TBC1D19: variants seen among roughly 807,000 people sequenced by gnomAD.
TBC1D19 encodes the protein TBC1 domain family, member 19.
A neutral mutation model predicts 89.0 loss-of-function variants in TBC1D19; 60 were observed. That is an observed-to-expected ratio of 0.67 (90% confidence interval 0.55 to 0.84). The LOEUF (loss-of-function observed/expected upper bound fraction) is 0.84, where lower values mean the gene tolerates loss of function less well. TBC1D19 is among the 40% of genes least tolerant of loss of function. TBC1D19 has a pLI of 0.00. For synonymous variants in TBC1D19, 189 were observed against 199.7 expected, an observed-to-expected ratio of 0.95 and a Z score of 0.45; for missense variants, 500 against 610.8, an observed-to-expected ratio of 0.82 and a Z score of 1.91.
intron 3 of TBC1D19, among the ~76,000 whole-genome samples, chr4:26,615,816 T>C (rs260955): frequency 0.96 from 145,913 of 152,180 alleles, 70,166 homozygotes; most frequent in Non-Finnish European, 1. Flanking sequence ...AAGGAATAGA[T>C]ATTTATCATG....
At chr4:26,634,159 A>G (rs1035948613) in intron 4 of TBC1D19, among the ~76,000 whole-genome samples, 12 of 151,798 alleles carry the variant, frequency 7.9e-5, no homozygotes, top group African/African-American at 1.7e-4. Context: ...TTTTTTTACA[A>G]TGGTCCTTAT....
chr4:26,711,596 CG>C (rs1292288125), intron 13 of TBC1D19, among the ~76,000 whole-genome samples: 1 of 151,834 alleles, frequency 6.6e-6, no homozygotes, highest in African/African-American at 2.4e-5. Context: ...ATAATTCTGC[CG>C]TATTAGCATA....
intron 13 of TBC1D19, among the ~76,000 whole-genome samples, chr4:26,709,430 G>A (rs1310022786): frequency 6.6e-6 from 1 of 152,012 alleles, no homozygotes; most frequent in African/African-American, 2.4e-5. Context: ...CAACAATCAA[G>A]GGAAGTTCAA....
downstream of TBC1D19, among the ~76,000 whole-genome samples, chr4:26,760,734 C>T (rs899551439): frequency 2.0e-4 from 31 of 151,934 alleles, no homozygotes; most frequent in African/African-American, 7.0e-4. Flanking sequence ...TGTTGAGATC[C>T]AATTTATCTA....
chr4:26,632,789 A>T (rs1268286466), intron 4 of TBC1D19, among the ~76,000 whole-genome samples: 3 of 152,150 alleles, frequency 2.0e-5, no homozygotes, highest in African/African-American at 7.2e-5. Flanking sequence ...ATGGACACTG[A>T]AGTCAAAAGC....
chr4:26,617,183 C>G lies in TBC1D19; in HGVS notation c.218+2730C>G, dbSNP rs530109941. On this transcript the variant is annotated intron_variant, in intron 3 of 20. Transcript: ENST00000264866. ...GCCTTCTTGCTGCATTATCCCATGG[C>G]AGAAGGTGAGAGGGCAAGAGGGGGT... is the stretch of plus-strand genomic sequence containing the variant. Among the ~76,000 whole-genome samples the G allele has an allele frequency of 2.0e-5, 3 of 152,278 alleles. No individual in the cohort carries two copies. In the East Asian group the frequency reaches 5.8e-4, roughly 29 times the overall value.
At chr4:26,588,095 G>T (rs1481142902) in intron 1 of TBC1D19, among the ~76,000 whole-genome samples, 3 of 145,798 alleles carry the variant, frequency 2.1e-5, no homozygotes, top group Non-Finnish European at 3.0e-5. Context: ...GCATGATCTC[G>T]GCTCACTGCA....
At chr4:26,594,798 G>T (rs542978514) in intron 1 of TBC1D19, among the ~76,000 whole-genome samples, 3 of 151,984 alleles carry the variant, frequency 2.0e-5, no homozygotes, top group Non-Finnish European at 4.4e-5. Context: ...TCAACCCCTC[G>T]GTCTCTCTGA....
At chr4:26,753,983 C>A in intron 20 of TBC1D19, 93 bp downstream of exon 20, 1 of 1,360,192 alleles carries the variant, frequency 7.4e-7, no homozygotes, top group Non-Finnish European at 1.0e-6. Context: ...ACACGCGTTA[C>A]TTGTAGCCAG....
chr4:26,834,867 C>T, the TBC1D19 span, among the ~76,000 whole-genome samples: 2 of 152,136 alleles, frequency 1.3e-5, no homozygotes, highest in Non-Finnish European at 2.9e-5. Context: ...AAGCAAATCC[C>T]GCTCCCAAGG....
chr4:26,638,328 A>G (rs553311683), intron 5 of TBC1D19, among the ~76,000 whole-genome samples: 1 of 150,008 alleles, frequency 6.7e-6, no homozygotes, highest in Non-Finnish European at 1.5e-5. Context: ...GGATACATTT[A>G]TATTAAAAAC....
chr4:26,587,488 G>A (rs1456693245), intron 1 of TBC1D19, among the ~76,000 whole-genome samples: 1 of 151,380 alleles, frequency 6.6e-6, no homozygotes, highest in Non-Finnish European at 1.5e-5. Flanking sequence ...GAGGTGGGAG[G>A]ATGGCTTGAA....
intron 4 of TBC1D19, among the ~76,000 whole-genome samples, chr4:26,624,032 C>T (rs1641304289): frequency 6.6e-6 from 1 of 152,192 alleles, no homozygotes; most frequent in Non-Finnish European, 1.5e-5. Context: ...GATTCCAGAG[C>T]CCAGCATTTA....
At chr4:26,657,354 T>G (rs903698930) in intron 7 of TBC1D19, among the ~76,000 whole-genome samples, 2 of 152,064 alleles carry the variant, frequency 1.3e-5, no homozygotes, top group African/African-American at 4.8e-5. Flanking sequence ...TCTGTTCTTG[T>G]GATAGTTTGC....
intron 17 of TBC1D19, among the ~76,000 whole-genome samples, chr4:26,741,333 G>C (rs1311240109): frequency 2.1e-5 from 3 of 140,068 alleles, no homozygotes; most frequent in African/African-American, 5.4e-5. Flanking sequence ...TCCGCAGTCC[G>C]GCCTGGGCGA....
intron 4 of TBC1D19, among the ~76,000 whole-genome samples, chr4:26,633,626 C>CA (rs1742939600): frequency 1.3e-5 from 2 of 152,164 alleles, no homozygotes; most frequent in South Asian, 2.1e-4. Context: ...ACTGCATTTA[C>CA]AAAAAATGGT....
chr4:26,613,161 A>C lies in TBC1D19; in HGVS notation c.100-8A>C, dbSNP rs1255820383. 1.3e-6 allele frequency: 2 copies of C among 1,494,548 alleles called. No homozygotes were observed. Among genetic ancestry groups the C allele is most frequent in the Non-Finnish European group, 1.8e-6 (2 of 1,103,970 alleles). 92.6% of individuals were successfully genotyped at this position (1,494,548 alleles called of 1,614,324 possible). On this transcript the variant is annotated splice_region_variant and splice_polypyrimidine_tract_variant and intron_variant, in intron 1 of 20. Transcript: ENST00000264866. ...ATCTTTCTTTTTTATTATTATTATT[A>C]TTCTTAGGCCAGTCTTCAGAGACCT...
the TBC1D19 span, among the ~76,000 whole-genome samples, chr4:26,824,217 TA>T: frequency 5.3e-4 from 81 of 152,178 alleles, no homozygotes; most frequent in African/African-American, 1.9e-3. Context: ...AGACGAGAGA[TA>T]AAGAGATGAT....
intron 13 of TBC1D19, among the ~76,000 whole-genome samples, chr4:26,710,992 G>T (rs1414359513): frequency 6.6e-6 from 1 of 152,138 alleles, no homozygotes; most frequent in African/African-American, 2.4e-5. Flanking sequence ...TGTTCACTCT[G>T]ATGGTGGTTT....
Sources: allele counts gnomAD v4.1 joint callset (sites outside exome capture counted in the v4.1 genomes callset), GRCh38; gene constraint gnomAD v4.1.1; transcripts MANE v1.5; gene names NCBI Gene and HGNC (gene_info 2026-07-23, HGNC 2026-07-21).